ERBB4: variants seen among roughly 807,000 people sequenced by gnomAD.
ERBB4 encodes receptor tyrosine-protein kinase erbB-4.
Under a neutral mutation model 158.0 loss-of-function variants are expected in ERBB4, and 42 were observed. That is an observed-to-expected ratio of 0.27 (90% confidence interval 0.21 to 0.34). The LOEUF (loss-of-function observed/expected upper bound fraction) is 0.34, where lower values mean the gene tolerates loss of function less well. Among genes scored for constraint, ERBB4 ranks in the 10% least tolerant of loss-of-function variants. The pLI is 1.00. For missense variants in ERBB4, 1,333 were observed against 1,624.1 expected (o/e 0.82, Z 3.08); for synonymous variants, 583 against 558.7 (o/e 1.04, Z -0.61).
intron 1 of ERBB4, among the ~76,000 whole-genome samples, chr2:212,447,887 T>G (rs1446490457): frequency 6.6e-6 from 1 of 152,010 alleles, no homozygotes; most frequent in Non-Finnish European, 1.5e-5. Flanking sequence ...GTTCTAATTA[T>G]TCTCATATGC....
intron 27 of ERBB4, among the ~76,000 whole-genome samples, chr2:211,385,625 G>A (rs115624406): frequency 0.015 from 2,310 of 152,220 alleles, 54 homozygotes; most frequent in African/African-American, 0.053. Flanking sequence ...CTCTGAGTAC[G>A]AGGTTAGACT....
chr2:212,350,602 A>G (rs1470367787), intron 1 of ERBB4, among the ~76,000 whole-genome samples: 1 of 152,162 alleles, frequency 6.6e-6, no homozygotes, highest in East Asian at 1.9e-4. Context: ...TTCCCTATTA[A>G]TATTAGAAAA....
At chr2:211,437,505 C>G (rs2063880995) in intron 20 of ERBB4, among the ~76,000 whole-genome samples, 1 of 152,124 alleles carries the variant, frequency 6.6e-6, no homozygotes, top group Non-Finnish European at 1.5e-5. Context: ...ATGTGAGTCA[C>G]AACAATCTGG....
chr2:211,469,335 A>G (rs2064775339), intron 20 of ERBB4, among the ~76,000 whole-genome samples: 2 of 152,288 alleles, frequency 1.3e-5, no homozygotes, highest in South Asian at 2.1e-4. Context: ...TGTGCTGTGC[A>G]AAGTATTTGG....
chr2:212,204,737 C>T (rs1407322633), intron 1 of ERBB4, among the ~76,000 whole-genome samples: 1 of 149,694 alleles, frequency 6.7e-6, no homozygotes, highest in Non-Finnish European at 1.5e-5. Flanking sequence ...TTATGATTGT[C>T]TTCCAGAAAT....
intron 1 of ERBB4, among the ~76,000 whole-genome samples, chr2:212,312,076 C>T (rs189086766): frequency 4.0e-5 from 6 of 151,018 alleles, no homozygotes; most frequent in Non-Finnish European, 7.4e-5. Context: ...CTGAAGAAAG[C>T]GAAGATTTTT....
At chr2:211,680,746 T>A (rs1253419195) in intron 12 of ERBB4, among the ~76,000 whole-genome samples, 1 of 152,080 alleles carries the variant, frequency 6.6e-6, no homozygotes, top group Non-Finnish European at 1.5e-5. Context: ...TGTGTAAAAA[T>A]TTTTTAAAGC....
At chr2:211,955,666 C>T (rs1350003206) in intron 2 of ERBB4, among the ~76,000 whole-genome samples, 1 of 152,080 alleles carries the variant, frequency 6.6e-6, no homozygotes, top group East Asian at 1.9e-4. Flanking sequence ...ATCATAGCAG[C>T]CAGGCCTCAG....
At chr2:212,239,431 G>A (rs1217657220) in intron 1 of ERBB4, among the ~76,000 whole-genome samples, 3 of 152,208 alleles carry the variant, frequency 2.0e-5, no homozygotes, top group Non-Finnish European at 4.4e-5. Context: ...GGTACAATTT[G>A]TAGCAAAGTG....
chr2:211,546,724 T>C lies in ERBB4; in HGVS notation c.2487+15179A>G, dbSNP rs186568094. Among the ~76,000 whole-genome samples, 35 of 152,196 alleles carry C rather than the reference T, an allele frequency of 2.3e-4. 1 individual carries two copies. Among genetic ancestry groups the C allele is most frequent in the African/African-American group, 8.2e-4 (34 of 41,552 alleles). ...CAGACCCTTTTCTTCATAGCCACCATTATACTATATTTTTTGTACAAATCC... is the reference window on the plus strand; with the variant it reads ...CAGACCCTTTTCTTCATAGCCACCACTATACTATATTTTTTGTACAAATCC... On this transcript the variant is annotated intron_variant, in intron 20 of 27. Coordinates refer to ENST00000342788, the MANE Select transcript of ERBB4 (RefSeq NM_005235.3).
intron 1 of ERBB4, among the ~76,000 whole-genome samples, chr2:212,265,245 C>CAAT (rs2085087656): frequency 6.6e-6 from 1 of 151,964 alleles, no homozygotes; most frequent in African/African-American, 2.4e-5. Context: ...TGCCATGGTA[C>CAAT]GTGTATACAC....
At chr2:211,632,245 T>C (rs2070170432) in intron 16 of ERBB4, among the ~76,000 whole-genome samples, 1 of 152,094 alleles carries the variant, frequency 6.6e-6, no homozygotes, top group South Asian at 2.1e-4. Flanking sequence ...AAAAAATTCT[T>C]CATTGTGATA....
At chr2:212,524,262 A>G (rs553948739) in intron 1 of ERBB4, among the ~76,000 whole-genome samples, 1 of 152,138 alleles carries the variant, frequency 6.6e-6, no homozygotes, top group East Asian at 1.9e-4. Context: ...TGTAAAAATA[A>G]AAGTTTTAAT....
At chr2:212,443,432 G>C (rs1168925861) in intron 1 of ERBB4, among the ~76,000 whole-genome samples, 1 of 152,202 alleles carries the variant, frequency 6.6e-6, no homozygotes, top group Non-Finnish European at 1.5e-5. Context: ...AGTAGTCTGG[G>C]AGTCCTGTTG....
At chr2:211,731,042 T>A (rs1209308258) in intron 5 of ERBB4, among the ~76,000 whole-genome samples, 1 of 152,118 alleles carries the variant, frequency 6.6e-6, no homozygotes, top group Non-Finnish European at 1.5e-5. Context: ...AAAATTGATG[T>A]GCAAGTAGAT....
chr2:212,360,875 A>C (rs2089662654), intron 1 of ERBB4, among the ~76,000 whole-genome samples: 1 of 151,722 alleles, frequency 6.6e-6, no homozygotes, highest in African/African-American at 2.4e-5. Context: ...AGGATGAAAC[A>C]GAGATGTCTC....
intron 1 of ERBB4, among the ~76,000 whole-genome samples, chr2:212,462,445 A>G (rs1688623064): frequency 6.6e-6 from 1 of 152,190 alleles, no homozygotes; most frequent in African/African-American, 2.4e-5. Context: ...TGGGTAAAGT[A>G]TCTGAACAGA....
At chr2:212,135,821 C>T (rs1385404907) in intron 1 of ERBB4, among the ~76,000 whole-genome samples, 1 of 152,106 alleles carries the variant, frequency 6.6e-6, no homozygotes, top group East Asian at 1.9e-4. Flanking sequence ...ACTTGACAAG[C>T]AATTAAAACA....
At position 211,665,355 on chromosome 2, in the gene ERBB4, C is replaced by T. The variant is rs2105918726; in HGVS notation, c.1839G>A (p.Glu613=). 6.2e-7 allele frequency: 1 copy of T among 1,614,170 alleles called. No homozygotes were observed. The highest frequency in any genetic ancestry group is 8.5e-7 in the Non-Finnish European group (1 of 1,180,034). Residue 613 remains glutamate, a synonymous_variant, in exon 15 of 28, where the codon GAG becomes GAA. Transcript: ENST00000342788. ...FIFKYADPDR[E]CHPCHPNCTQ... The stretch of plus-strand genomic sequence containing the variant: ...TGCAGTTTGGATGGCATGGGTGGCA[C>T]TCCCGATCTGGATCAGCATACTTGA...
Sources: allele counts gnomAD v4.1 joint callset (sites outside exome capture counted in the v4.1 genomes callset), GRCh38; gene constraint gnomAD v4.1.1; transcripts MANE v1.5; gene names NCBI Gene and HGNC (gene_info 2026-07-23, HGNC 2026-07-21).